Variants in ACOT11 observed in about 807,000 individuals in gnomAD.
ACOT11 encodes acyl-coenzyme A thioesterase 11.
In ACOT11, 69 loss-of-function variants were observed where a neutral mutation model predicts 77.5. The ratio of observed to expected loss-of-function variants is 0.89; its 90% CI spans 0.73 to 1.09. The LOEUF (loss-of-function observed/expected upper bound fraction) is 1.09, where lower values mean the gene tolerates loss of function less well. Among genes scored for constraint, ACOT11 ranks in the 50% least tolerant of loss-of-function variants. The pLI, the probability that ACOT11 is intolerant of heterozygous loss-of-function variation, is 0.00. For missense variants in ACOT11, 766 were observed against 813.7 expected (o/e 0.94, Z 0.71); for synonymous variants, 279 against 313.0 (o/e 0.89, Z 1.15).
rs1349704335 is a variant in ACOT11, at chr1:54,623,378, C to A, written c.1630-7356C>A. On this transcript the variant is annotated intron_variant, in intron 15 of 16. Coordinates refer to the ACOT11 transcript ENST00000371316. The stretch of plus-strand genomic sequence containing the variant: ...CCCACTTGACCTGATTCTTTGATAA[C>A]TGCTCCCTGCAGACCATGGCGACGC... 2 of 1,613,760 alleles carry A rather than the reference C, an allele frequency of 1.2e-6. No individual in the cohort carries two copies. The highest frequency in any genetic ancestry group is 1.7e-6 in the Non-Finnish European group (2 of 1,179,862).
At chr1:54,604,048 C>A in intron 11 of ACOT11, 111 bp downstream of exon 11, 1 of 1,002,814 alleles carries the variant, frequency 1.0e-6, no homozygotes, top group Non-Finnish European at 1.5e-6. Context: ...ATATGAATGA[C>A]ACGCCTCATG....
rs533491908 is a variant in ACOT11 at position 54,592,741 on chromosome 1, T to A, written c.372+135T>A. On this transcript the variant is annotated intron_variant, in intron 4 of 15. Transcript: ENST00000343744. ...TTAGAGCAGCAGAGTTCTGTAATGG[T>A]TGGCAGAGCAAGGGGAATCCCAAGG... is the stretch of plus-strand genomic sequence containing the variant. 2.0e-5 allele frequency: 17 copies of A among 840,892 alleles called. 2 individuals are homozygous for A. In the South Asian group the frequency reaches 3.6e-4, roughly 18 times the overall value. 52.1% of individuals were successfully genotyped at this position (840,892 alleles called of 1,614,324 possible).
intron 9 of ACOT11, among the ~76,000 whole-genome samples, chr1:54,601,994 T>C (rs1181516557): frequency 6.6e-6 from 1 of 152,260 alleles, no homozygotes; most frequent in Non-Finnish European, 1.5e-5. Flanking sequence ...GCTCCCTCCC[T>C]TGGGGGAGGT....
chr1:54,583,477 G>A (rs1358143637), intron 1 of ACOT11, among the ~76,000 whole-genome samples: 1 of 152,128 alleles, frequency 6.6e-6, no homozygotes, highest in Non-Finnish European at 1.5e-5. Context: ...GCTCACCATT[G>A]GGGCATGCTG....
chr1:54,596,968 G>C (rs1643894640), intron 6 of ACOT11, among the ~76,000 whole-genome samples: 1 of 152,186 alleles, frequency 6.6e-6, no homozygotes, highest in Admixed American at 6.5e-5. Flanking sequence ...TGAGGCAACC[G>C]AGGCTCAGAG....
In ACOT11 at chr1:54,548,335, T is replaced by C. The variant is rs760517259; in HGVS notation, c.26T>C (p.Leu9Pro). 2 of 1,602,402 alleles carry C rather than the reference T, an allele frequency of 1.2e-6. No homozygotes were observed. Reference protein sequence around the residue: MIQNVGNHLRRGLASVFSN... With the variant: MIQNVGNHPRRGLASVFSN... ...ATGATCCAGAATGTCGGAAATCACC[T>C]GCGACGGGTATGGAGGGTGGGCTGG... The change falls in exon 1 of 16, where the codon CTG becomes CCG. Residue 9 changes from leucine (L) to proline (P), a missense_variant. Coordinates refer to ENST00000343744, the MANE Select transcript of ACOT11 (RefSeq NM_147161.4).
chr1:54,561,596 C>T (rs1653489218), intron 1 of ACOT11, among the ~76,000 whole-genome samples: 1 of 133,474 alleles, frequency 7.5e-6, no homozygotes, highest in South Asian at 2.5e-4. Context: ...TCATCCTGGC[C>T]CGTTCTCAAT....
At chr1:54,631,154 G>T (rs1441327649) in intron 16 of ACOT11, among the ~76,000 whole-genome samples, 1 of 152,104 alleles carries the variant, frequency 6.6e-6, no homozygotes, top group African/African-American at 2.4e-5. Context: ...GAGGACACTG[G>T]GCGAAAAGTA....
chr1:54,597,935 C>T (rs555891975), intron 7 of ACOT11: 24 of 157,320 alleles, frequency 1.5e-4, no homozygotes, highest in Non-Finnish European at 2.8e-4. Context: ...TGTTTCTGTC[C>T]GGGGCTTGTT....
intron 11 of ACOT11, 32 bp from the exon 12 acceptor site, chr1:54,604,314 G>T: frequency 6.2e-7 from 1 of 1,600,234 alleles, no homozygotes; most frequent in Non-Finnish European, 8.6e-7. Context: ...GGAAGGGGGT[G>T]GGGTAGTGGT....
intron 15 of ACOT11, among the ~76,000 whole-genome samples, chr1:54,622,224 C>T (rs553456601): frequency 7.6e-5 from 11 of 144,306 alleles, no homozygotes; most frequent in Admixed American, 7.3e-4. Flanking sequence ...TGCAGTGAGC[C>T]GATATCATGT....
chr1:54,575,642 G>A (rs1160945826), intron 1 of ACOT11, among the ~76,000 whole-genome samples: 1 of 152,228 alleles, frequency 6.6e-6, no homozygotes, highest in Non-Finnish European at 1.5e-5. Context: ...GATACCAGAA[G>A]TAGAAAGAGT....
At chr1:54,615,532 T>G (rs1569790280) in intron 15 of ACOT11, among the ~76,000 whole-genome samples, 1 of 150,700 alleles carries the variant, frequency 6.6e-6, no homozygotes, top group African/African-American at 2.4e-5. Context: ...AGGAGGGAGG[T>G]CCTGGAGAGA....
chr1:54,554,327 GTGTGTGTATA>G (rs1310793288), intron 1 of ACOT11, among the ~76,000 whole-genome samples: 1 of 77,712 alleles, frequency 1.3e-5, no homozygotes, highest in South Asian at 4.5e-4. Flanking sequence ...GTGTGTGTGT[GTGTGTGTATA>G]TATATATATA....
At chr1:54,631,274 C>T (rs1043368337) in intron 16 of ACOT11, among the ~76,000 whole-genome samples, 2 of 152,154 alleles carry the variant, frequency 1.3e-5, no homozygotes, top group African/African-American at 2.4e-5. Context: ...TGGCAGTTCC[C>T]TGTTAGAATA....
intron 3 of ACOT11, 55 bp downstream of exon 3, chr1:54,585,959 G>T (rs1363960993): frequency 8.2e-6 from 13 of 1,583,750 alleles, no homozygotes; most frequent in Non-Finnish European, 1.1e-5. Context: ...TCAGCCTGGG[G>T]CCTGTCCTCC....
intron 1 of ACOT11, among the ~76,000 whole-genome samples, chr1:54,557,540 G>A (rs1011234521): frequency 6.6e-6 from 1 of 152,014 alleles, no homozygotes; most frequent in East Asian, 1.9e-4. Context: ...TCAGCCTCCT[G>A]AGTAGCTGGA....
intron 15 of ACOT11, 21 bp downstream of exon 15, chr1:54,608,089 C>G (rs374665342): frequency 1.2e-5 from 19 of 1,603,400 alleles, no homozygotes; most frequent in Non-Finnish European, 1.6e-5. Context: ...TCCCCCCAAC[C>G]ACGCCCCCAG....
chr1:54,592,639 G>A (rs774725619), intron 4 of ACOT11, 33 bp downstream of exon 4: 3 of 1,608,794 alleles, frequency 1.9e-6, no homozygotes, highest in Admixed American at 3.4e-5. Flanking sequence ...GGGAGTGGGT[G>A]CGTGGGTGGG....
Sources: allele counts gnomAD v4.1 joint callset (sites outside exome capture counted in the v4.1 genomes callset), GRCh38; gene constraint gnomAD v4.1.1; transcripts MANE v1.5; gene names NCBI Gene and HGNC (gene_info 2026-07-23, HGNC 2026-07-21).